RUNX2: variants seen among roughly 807,000 people sequenced by gnomAD.
RUNX2 encodes runt-related transcription factor 2.
Under a neutral mutation model 51.7 loss-of-function variants are expected in RUNX2, and 10 were observed. That is an observed-to-expected ratio of 0.19 (90% confidence interval 0.12 to 0.33). RUNX2 has a LOEUF of 0.33. Among genes scored for constraint, RUNX2 ranks in the 10% least tolerant of loss-of-function variants. The pLI, the probability that RUNX2 is intolerant of heterozygous loss-of-function variation, is 1.00. For synonymous variants in RUNX2, 276 were observed against 273.6 expected (o/e 1.01, Z -0.09); for missense variants, 562 against 691.3 (o/e 0.81, Z 2.10).
At chr6:45,334,449 C>CA (rs551014969) in intron 2 of RUNX2, among the ~76,000 whole-genome samples, 2,892 of 91,736 alleles carry the variant, frequency 0.032, 48 homozygotes, top group East Asian at 0.046. Context: ...TCAGGAAAAG[C>CA]AAAAAAAAAA....
intron 2 of RUNX2, among the ~76,000 whole-genome samples, chr6:45,402,878 C>T (rs1051484097): frequency 1.3e-5 from 2 of 152,114 alleles, no homozygotes; most frequent in Non-Finnish European, 2.9e-5. Flanking sequence ...GTCTCAACAG[C>T]TCCCACTCCC....
intron 7 of RUNX2, among the ~76,000 whole-genome samples, chr6:45,512,852 A>G (rs892595990): frequency 6.6e-6 from 1 of 152,146 alleles, no homozygotes; most frequent in African/African-American, 2.4e-5. Context: ...CAGTTCCAAG[A>G]GAGAGCACCT....
At chr6:45,356,124 T>C (rs1350517844) in intron 2 of RUNX2, among the ~76,000 whole-genome samples, 1 of 152,174 alleles carries the variant, frequency 6.6e-6, no homozygotes, top group Non-Finnish European at 1.5e-5. Context: ...GTGTACTCTA[T>C]TCTGTCATAG....
chr6:45,510,018 C>G (rs1030222956), intron 6 of RUNX2, among the ~76,000 whole-genome samples: 1 of 152,108 alleles, frequency 6.6e-6, no homozygotes, highest in African/African-American at 2.4e-5. Flanking sequence ...CTTGCCCTTG[C>G]GAGACTGCTT....
intron 2 of RUNX2, among the ~76,000 whole-genome samples, chr6:45,369,046 C>G (rs1275060288): frequency 6.6e-6 from 1 of 152,040 alleles, no homozygotes; most frequent in Non-Finnish European, 1.5e-5. Context: ...ATAAAAACTT[C>G]TAGACCTAGT....
intron 2 of RUNX2, among the ~76,000 whole-genome samples, chr6:45,379,073 A>G (rs1381292038): frequency 1.3e-5 from 2 of 152,232 alleles, no homozygotes; most frequent in Non-Finnish European, 2.9e-5. Context: ...TAAATTGTTT[A>G]AAATAGCAAC....
intron 2 of RUNX2, among the ~76,000 whole-genome samples, chr6:45,366,136 G>T (rs1181938567): frequency 6.6e-6 from 1 of 152,128 alleles, no homozygotes; most frequent in Admixed American, 6.6e-5. Context: ...TATTTCATAT[G>T]CTTGCATAAA....
At chr6:45,373,710 C>G (rs763767053) in intron 2 of RUNX2, among the ~76,000 whole-genome samples, 2 of 152,014 alleles carry the variant, frequency 1.3e-5, no homozygotes, top group African/African-American at 4.8e-5. Flanking sequence ...ACCACCATGC[C>G]CGGCTAATTT....
At position 45,486,678 on chromosome 6, in the gene RUNX2, C is replaced by T. The variant is rs555032096; in HGVS notation, c.686-5263C>T. Among the ~76,000 whole-genome samples the T allele has an allele frequency of 8.5e-5, 13 of 152,214 alleles. No individual in the cohort carries two copies. The East Asian group carries it at 9.6e-4, about 11-fold the overall frequency. On this transcript the variant is annotated intron_variant, in intron 5 of 8. Transcript: ENST00000647337. ...AAAAGTGCCTTGTTTTTTGTAAGTG[C>T]ATTTTGACATTCTTCAGGGTGCGCT... is the stretch of plus-strand genomic sequence containing the variant.
chr6:45,508,128 C>A (rs1303688050), intron 6 of RUNX2, among the ~76,000 whole-genome samples: 1 of 148,062 alleles, frequency 6.8e-6, no homozygotes, highest in Non-Finnish European at 1.5e-5. Flanking sequence ...GAGACCATGG[C>A]TTTTGTTTAA....
chr6:45,498,075 A>G (rs758593296), intron 6 of RUNX2, among the ~76,000 whole-genome samples: 12 of 152,150 alleles, frequency 7.9e-5, no homozygotes, highest in African/African-American at 1.2e-4. Context: ...GGTCCCACTT[A>G]CTACTAGTAA....
chr6:45,419,844 C>T (rs1306497326), intron 2 of RUNX2, among the ~76,000 whole-genome samples: 3 of 151,996 alleles, frequency 2.0e-5, no homozygotes, highest in South Asian at 4.2e-4. Context: ...GGTTGGGGAC[C>T]AGGTGTCATA....
At chr6:45,412,814 G>A (rs565539866) in intron 2 of RUNX2, among the ~76,000 whole-genome samples, 105 of 152,028 alleles carry the variant, frequency 6.9e-4, no homozygotes, top group Admixed American at 1.9e-3. Context: ...GCACAATCTC[G>A]GCTTACTGCA....
At chr6:45,520,268 T>C (rs1349707450) in intron 7 of RUNX2, among the ~76,000 whole-genome samples, 1 of 152,234 alleles carries the variant, frequency 6.6e-6, no homozygotes, top group Non-Finnish European at 1.5e-5. Context: ...CATTTCTTCC[T>C]GGAGAAGCAT....
At chr6:45,533,111 T>C (rs923563332) in intron 7 of RUNX2, among the ~76,000 whole-genome samples, 17 of 149,738 alleles carry the variant, frequency 1.1e-4, no homozygotes, top group African/African-American at 4.0e-4. Context: ...GGAATAAACA[T>C]TGAAGATGAA....
intron 5 of RUNX2, among the ~76,000 whole-genome samples, chr6:45,450,034 T>C (rs892039024): frequency 6.6e-6 from 1 of 152,200 alleles, no homozygotes; most frequent in African/African-American, 2.4e-5. Context: ...CTGGTACTGT[T>C]ATGAAAGATA....
intron 5 of RUNX2, among the ~76,000 whole-genome samples, chr6:45,440,934 C>G (rs1312519521): frequency 6.6e-6 from 1 of 152,158 alleles, no homozygotes; most frequent in Non-Finnish European, 1.5e-5. Context: ...CTGTATTCCA[C>G]TAAAATTTTA....
At chr6:45,439,672 T>C (rs1029177784) in intron 5 of RUNX2, among the ~76,000 whole-genome samples, 4 of 151,806 alleles carry the variant, frequency 2.6e-5, no homozygotes, top group Admixed American at 6.6e-5. Flanking sequence ...TGTGTGCGTG[T>C]GTGTGTGTGT....
At chr6:45,526,844 G>T (rs181094290) in intron 7 of RUNX2, among the ~76,000 whole-genome samples, 1 of 152,278 alleles carries the variant, frequency 6.6e-6, no homozygotes, top group East Asian at 1.9e-4. Context: ...TCAGTTAAAT[G>T]ACCATATAAT....
Sources: gnomAD v4.1 joint callset for allele counts (sites outside exome capture counted in the v4.1 genomes callset) on GRCh38, gnomAD v4.1.1 for gene constraint, MANE v1.5 for transcripts, NCBI Gene and HGNC (gene_info 2026-07-23, HGNC 2026-07-21) for gene names.